Variants in NTRK3 observed in about 807,000 individuals in gnomAD.
NTRK3 encodes NT-3 growth factor receptor.
NTRK3 carries 24 observed loss-of-function variants against 91.7 expected under a neutral mutation model. The ratio of observed to expected loss-of-function variants is 0.26; its 90% CI spans 0.19 to 0.37. The LOEUF is 0.37. NTRK3 is among the 10% of genes least tolerant of loss of function. The pLI is 1.00. For synonymous variants in NTRK3, 483 were observed against 404.0 expected (o/e 1.20, Z -2.34); for missense variants, 880 against 1,068.9 (o/e 0.82, Z 2.46).
At chr15:88,127,029 A>G (rs1210760648) in intron 12 of NTRK3, 133 bp downstream of exon 12, 3 of 802,984 alleles carry the variant, frequency 3.7e-6, no homozygotes, top group Non-Finnish European at 6.4e-6. Context: ...AACTGCCTGA[A>G]CGTAGTTCAA....
intron 16 of NTRK3, chr15:87,931,069 C>G: frequency 2.8e-6 from 1 of 354,702 alleles, no homozygotes; most frequent in Non-Finnish European, 5.5e-6. Context: ...TTTTTCTTTT[C>G]TTCTTACTTT....
intron 5 of NTRK3, among the ~76,000 whole-genome samples, chr15:88,157,462 T>C (rs2044021137): frequency 2.0e-5 from 3 of 152,136 alleles, no homozygotes; most frequent in Non-Finnish European, 4.4e-5. Context: ...GGGCCCATCC[T>C]GCCCTGGCCT....
intron 17 of NTRK3, chr15:87,928,814 G>T (rs963358480): frequency 5.0e-6 from 2 of 402,816 alleles, no homozygotes; most frequent in East Asian, 4.6e-5. Context: ...TCTGGGACTG[G>T]GTAGGGAGAC....
intron 5 of NTRK3, among the ~76,000 whole-genome samples, chr15:88,160,006 T>G (rs1219059027): frequency 3.6e-5 from 5 of 137,218 alleles, no homozygotes; most frequent in Admixed American, 3.6e-4. Context: ...TGCTTGAACT[T>G]CATGCCTGGT....
At chr15:88,161,395 C>T (rs1364706769) in intron 5 of NTRK3, among the ~76,000 whole-genome samples, 1 of 152,110 alleles carries the variant, frequency 6.6e-6, no homozygotes, top group Non-Finnish European at 1.5e-5. Flanking sequence ...GGAGGGGCTA[C>T]GTTACTAGGG....
At chr15:88,126,302 T>C (rs1316688862) in exon 13 of NTRK3, 3 of 1,614,102 alleles carry the variant, frequency 1.9e-6, no homozygotes, top group Admixed American at 3.3e-5. Flanking sequence ...GTCGACCATA[T>C]TTGTTGATCA....
intron 14 of NTRK3, among the ~76,000 whole-genome samples, chr15:87,980,687 G>A (rs1251461369): frequency 6.6e-6 from 1 of 152,168 alleles, no homozygotes; most frequent in Non-Finnish European, 1.5e-5. Context: ...TGATTGCATT[G>A]AGACTTTCCT....
At chr15:88,028,704 T>C (rs753404439) in intron 14 of NTRK3, among the ~76,000 whole-genome samples, 3 of 152,076 alleles carry the variant, frequency 2.0e-5, no homozygotes, top group Admixed American at 6.5e-5. Flanking sequence ...GAGCAAAGGC[T>C]GACAAGGACA....
At chr15:88,033,173 G>A in intron 13 of NTRK3, 128 bp from the exon 14 acceptor site, 1 of 308,396 alleles carries the variant, frequency 3.2e-6, no homozygotes, top group Non-Finnish European at 5.7e-6. Context: ...TTTGGGGGGT[G>A]TGTTATATAT....
chr15:88,033,100 C>T (rs1251577986), intron 13 of NTRK3, 55 bp from the exon 14 acceptor site: 14 of 1,523,946 alleles, frequency 9.2e-6, no homozygotes, highest in Non-Finnish European at 1.2e-5. Context: ...GGCCAGTTTC[C>T]AGCCCTGTCC....
intron 13 of NTRK3, among the ~76,000 whole-genome samples, chr15:88,069,231 C>T (rs1490716398): frequency 6.6e-6 from 1 of 152,186 alleles, no homozygotes; most frequent in South Asian, 2.1e-4. Context: ...CTCTTGCCTT[C>T]TCAATCCAAA....
chr15:87,949,884 C>T (rs1410181028), intron 14 of NTRK3, among the ~76,000 whole-genome samples: 2 of 152,220 alleles, frequency 1.3e-5, no homozygotes. Flanking sequence ...AAAGATGAAT[C>T]TCAGGCTCCG....
intron 5 of NTRK3, among the ~76,000 whole-genome samples, chr15:88,149,698 C>T (rs1363029200): frequency 1.3e-5 from 2 of 152,232 alleles, no homozygotes; most frequent in Non-Finnish European, 2.9e-5. Flanking sequence ...CCAGCTCCTG[C>T]TCAGAAGGGT....
chr15:88,176,538 A>G (rs2046015362), intron 5 of NTRK3, among the ~76,000 whole-genome samples: 1 of 152,202 alleles, frequency 6.6e-6, no homozygotes, highest in South Asian at 2.1e-4. Context: ...CAGGATAAAT[A>G]TGATGGGAGG....
chr15:88,080,895 T>G (rs1397281481), intron 13 of NTRK3, among the ~76,000 whole-genome samples: 1 of 152,230 alleles, frequency 6.6e-6, no homozygotes, highest in Non-Finnish European at 1.5e-5. Context: ...CTGGCAGTGT[T>G]GGTCCAACCA....
intron 5 of NTRK3, among the ~76,000 whole-genome samples, chr15:88,167,543 T>C (rs951818415): frequency 2.6e-5 from 4 of 152,206 alleles, no homozygotes; most frequent in Non-Finnish European, 5.9e-5. Context: ...AGCTACTTCA[T>C]CTTATTATAG....
intron 13 of NTRK3, among the ~76,000 whole-genome samples, chr15:88,109,023 C>A (rs546238081): frequency 6.6e-6 from 1 of 152,196 alleles, no homozygotes; most frequent in Non-Finnish European, 1.5e-5. Flanking sequence ...CAACAGAGTG[C>A]CTGGAAATTT....
chr15:87,911,130 A>C (rs1423548466), intron 17 of NTRK3, among the ~76,000 whole-genome samples: 1 of 152,238 alleles, frequency 6.6e-6, no homozygotes, highest in Non-Finnish European at 1.5e-5. Context: ...AGATAAACAC[A>C]GTCACAGGGA....
chr15:87,952,657 C>T (rs2071249108), intron 14 of NTRK3, among the ~76,000 whole-genome samples: 1 of 152,204 alleles, frequency 6.6e-6, no homozygotes, highest in Middle Eastern at 3.2e-3. Context: ...TCTCCTTCCG[C>T]GTGACCTCTG....
Sources: gnomAD v4.1 joint callset for allele counts (sites outside exome capture counted in the v4.1 genomes callset) on GRCh38, gnomAD v4.1.1 for gene constraint, MANE v1.5 for transcripts, NCBI Gene and HGNC (gene_info 2026-07-23, HGNC 2026-07-21) for gene names.